Variants in LAMA4 observed in about 807,000 individuals in gnomAD.
LAMA4 encodes the protein laminin subunit alpha-4.
Under a neutral mutation model 207.1 loss-of-function variants are expected in LAMA4, and 127 were observed. The ratio of observed to expected loss-of-function variants is 0.61; its 90% CI spans 0.53 to 0.71. The LOEUF is 0.71. Ranked by LOEUF, LAMA4 falls within the 30% of genes least tolerant of loss-of-function variation. The pLI, the probability that LAMA4 is intolerant of heterozygous loss-of-function variation, is 0.00. For synonymous variants in LAMA4, 761 were observed against 816.0 expected (o/e 0.93, Z 1.15); for missense variants, 2,093 against 2,246.5 (o/e 0.93, Z 1.38).
At position 112,148,321 on chromosome 6, in the gene LAMA4, C is replaced by T. The variant is rs781825990; in HGVS notation, c.2189G>A (p.Arg730His). 4.2e-5 allele frequency: 68 copies of T among 1,613,996 alleles called. No homozygotes were observed. The highest frequency in any genetic ancestry group is 3.3e-4 in the Middle Eastern group (2 of 6,080). Residue 730 changes from arginine (R) to histidine (H), a missense_variant, in exon 18 of 39, where the codon CGC becomes CAC. This residue lies in a region of LAMA4 where 1,704 missense variants were observed against 1,788.4 expected (regional missense o/e 0.95). Transcript: ENST00000230538. Reference sequence around the variant, plus strand: ...GGTGATCAGTCTAGACTGCCCCAGGCGCTGCTGGGCATCCCCTTTACACAG... The same window carrying T: ...GGTGATCAGTCTAGACTGCCCCAGGTGCTGCTGGGCATCCCCTTTACACAG... ...QAAERGDAQQ[R>H]LGQSRLITEE...
At chr6:112,240,592 T>C (rs568303186) in intron 2 of LAMA4, among the ~76,000 whole-genome samples, 1 of 152,320 alleles carries the variant, frequency 6.6e-6, no homozygotes, top group East Asian at 1.9e-4. Context: ...CTATTCTCTA[T>C]GTCCATGAGT....
chr6:112,115,109 TA>T (rs1427958901), intron 36 of LAMA4, among the ~76,000 whole-genome samples: 3 of 152,204 alleles, frequency 2.0e-5, no homozygotes, highest in African/African-American at 7.2e-5. Flanking sequence ...CTATTTAACT[TA>T]CTCTCTGCCC....
Position 112,221,701 on chromosome 6 carries a change from G to A in LAMA4, c.196-5232C>T, listed in dbSNP as rs73544376. ...AGCTTAAGATAGAATGTTATGCTCA[G>A]TTAGGAGCTAAAACTGTGTGCCCTT... is the stretch of plus-strand genomic sequence containing the variant. On this transcript the variant is annotated intron_variant, in intron 2 of 38. Coordinates refer to ENST00000230538, the MANE Select transcript of LAMA4 (RefSeq NM_001105206.3). 7.8e-3 allele frequency among the ~76,000 whole-genome samples: 1,188 copies of A among 151,592 alleles called. 23 individuals are homozygous for A. The highest frequency in any genetic ancestry group is 0.027 in the African/African-American group (1,104 of 40,910).
chr6:112,120,425 A>T lies in LAMA4; in HGVS notation c.4523T>A (p.Ile1508Asn). ...RLRTRSSHGM[I>N]FYVSDQEEND... Reference sequence around the variant, plus strand: ...CTCTTCTTGATCTGAGACATAGAAGATCATGCCATGGGAGGAACGAGTTCT... The same window carrying T: ...CTCTTCTTGATCTGAGACATAGAAGTTCATGCCATGGGAGGAACGAGTTCT... Residue 1508 changes from isoleucine to asparagine, a missense_variant, in exon 33 of 39, where the codon ATC (isoleucine) becomes AAC (asparagine). Around this residue, in one of 3 missense-constraint regions of LAMA4, gnomAD observed 383 missense variants for 437.8 expected, o/e 0.87. Coordinates refer to ENST00000230538, the MANE Select transcript of LAMA4 (RefSeq NM_001105206.3). 6.2e-7 allele frequency: 1 copy of T among 1,614,058 alleles called. No individual in the cohort carries two copies. Among genetic ancestry groups the T allele is most frequent in the Non-Finnish European group, 8.5e-7 (1 of 1,179,946 alleles).
intron 13 of LAMA4, among the ~76,000 whole-genome samples, chr6:112,163,156 T>G (rs529605711): frequency 2.2e-5 from 2 of 89,870 alleles, no homozygotes; most frequent in Non-Finnish European, 4.9e-5. Context: ...AAAATTTTCT[T>G]TTTTGTAGAG....
rs1554342409 is a variant in LAMA4 at position 112,172,799 on chromosome 6, T to G, written c.1363A>C (p.Ser455Arg). Residue 455 changes from serine (S) to arginine (R), a missense_variant, in exon 12 of 39, where the codon AGC (serine) becomes CGC (arginine). Physicochemically the swap from Ser to Arg is moderately radical, Grantham distance 110. This residue lies in a region of LAMA4 where 1,704 missense variants were observed against 1,788.4 expected (regional missense o/e 0.95). Transcript: ENST00000230538. ...EEADEAYELLSQAESWQRLHN... is the reference protein window; with the variant it reads ...EEADEAYELLRQAESWQRLHN... ...AGCCGCTGCCAGCTCTCAGCCTGGC[T>G]CAGTACTGGGAAGAAATGGAGATAA... 2 of 1,613,308 alleles carry G rather than the reference T, an allele frequency of 1.2e-6. No homozygotes were observed. Among genetic ancestry groups the G allele is most frequent in the South Asian group, 2.2e-5 (2 of 91,016 alleles).
intron 13 of LAMA4, among the ~76,000 whole-genome samples, chr6:112,163,715 T>C (rs1168118141): frequency 6.6e-6 from 1 of 152,138 alleles, no homozygotes; most frequent in Non-Finnish European, 1.5e-5. Flanking sequence ...CTGAGCAGAA[T>C]GGTAGGGCAG....
At chr6:112,134,222 G>C (rs190859031) in intron 26 of LAMA4, among the ~76,000 whole-genome samples, 6 of 152,320 alleles carry the variant, frequency 3.9e-5, no homozygotes, top group Admixed American at 3.9e-4. Context: ...TACTGCATTA[G>C]ATCATGTTCT....
intron 16 of LAMA4, among the ~76,000 whole-genome samples, chr6:112,151,316 T>C (rs1273586392): frequency 6.6e-6 from 1 of 152,190 alleles, no homozygotes; most frequent in Non-Finnish European, 1.5e-5. Context: ...ATAATACACC[T>C]TGATAATGTA....
intron 36 of LAMA4, 46 bp downstream of exon 36, chr6:112,115,817 T>C: frequency 6.3e-7 from 1 of 1,590,450 alleles, no homozygotes; most frequent in Non-Finnish European, 8.6e-7. Flanking sequence ...AGATCTAGAA[T>C]CCAAGGTCAG....
Position 112,148,227 on chromosome 6 carries a change from G to C in LAMA4, c.2283C>G (p.Asn761Lys), listed in dbSNP as rs1554334972. ...CAAAATGTTGAAGATTCTGTGACCA[G>C]TTGGTTAGATTGTTGGCCATGGGGG... ...ATAPMANNLT[N>K]WSQNLQHFDS... The change falls in exon 18 of 39, where the codon AAC (asparagine) becomes AAG (lysine). Residue 761 changes from asparagine to lysine, a missense_variant. Physicochemically the swap from Asn to Lys is moderately conservative, Grantham distance 94. Transcript: ENST00000230538. 1.2e-6 allele frequency: 2 copies of C among 1,614,104 alleles called. No homozygotes were observed. Among genetic ancestry groups the C allele is most frequent in the African/African-American group, 2.7e-5 (2 of 74,950 alleles).
At chr6:112,221,748 G>A (rs1222588509) in intron 2 of LAMA4, among the ~76,000 whole-genome samples, 1 of 151,924 alleles carries the variant, frequency 6.6e-6, no homozygotes, top group Non-Finnish European at 1.5e-5. Context: ...TGTGGTTTCT[G>A]CACAATGCTG....
Position 112,140,745 on chromosome 6 carries a change from A to G in LAMA4, c.2976+15T>C. On this transcript the variant is annotated intron_variant, in intron 22 of 38. Coordinates refer to ENST00000230538, the MANE Select transcript of LAMA4 (RefSeq NM_001105206.3). Reference sequence around the variant, plus strand: ...GTAGATTTGTAATAGGTCAAAATATAGCTGTATGGCTGACCTTGAAGTTGG... The same window carrying G: ...GTAGATTTGTAATAGGTCAAAATATGGCTGTATGGCTGACCTTGAAGTTGG... The G allele has an allele frequency of 6.2e-7, 1 of 1,611,512 alleles. No individual in the cohort carries two copies. The highest frequency in any genetic ancestry group is 8.5e-7 in the Non-Finnish European group (1 of 1,177,724).
At position 112,165,130 on chromosome 6, in the gene LAMA4, C is replaced by T. The variant is rs1405897631; in HGVS notation, c.1668+30G>A. ...CTGCTGTTGTAACCTGCTGGAAATACAAACCTGAACAAGTCACGTGCGTCC... is the reference window on the plus strand; with the variant it reads ...CTGCTGTTGTAACCTGCTGGAAATATAAACCTGAACAAGTCACGTGCGTCC... On this transcript the variant is annotated intron_variant, in intron 13 of 38. Transcript: ENST00000230538. 3 of 1,279,698 alleles carry T rather than the reference C, an allele frequency of 2.3e-6. No homozygotes were observed. In the East Asian group the frequency reaches 6.9e-5, roughly 30 times the overall value. 79.3% of individuals were successfully genotyped at this position (1,279,698 alleles called of 1,614,324 possible).
At chr6:112,173,626 T>C (rs374181752) in intron 11 of LAMA4, among the ~76,000 whole-genome samples, 9 of 152,336 alleles carry the variant, frequency 5.9e-5, no homozygotes, top group African/African-American at 2.2e-4. Context: ...CTCTAGCCTT[T>C]CTGAGTCTGA....
intron 2 of LAMA4, among the ~76,000 whole-genome samples, chr6:112,233,108 G>A (rs1785667242): frequency 6.6e-6 from 1 of 152,158 alleles, no homozygotes; most frequent in Admixed American, 6.5e-5. Flanking sequence ...TCGCAGCACG[G>A]AGCTCCTGGA....
At chr6:112,177,223 G>T (rs970512025) in intron 10 of LAMA4, among the ~76,000 whole-genome samples, 1 of 152,188 alleles carries the variant, frequency 6.6e-6, no homozygotes, top group Non-Finnish European at 1.5e-5. Context: ...GTTTATAATA[G>T]ACATCAAAGG....
intron 28 of LAMA4, 94 bp from the exon 29 acceptor site, chr6:112,131,195 A>G: frequency 8.7e-7 from 1 of 1,153,684 alleles, no homozygotes; most frequent in Admixed American, 1.7e-5. Flanking sequence ...GCTTAAAGGC[A>G]ATATAGTGTG....
At chr6:112,174,555 C>T (rs1419746760) in intron 11 of LAMA4, among the ~76,000 whole-genome samples, 1 of 152,194 alleles carries the variant, frequency 6.6e-6, no homozygotes, top group Non-Finnish European at 1.5e-5. Context: ...GTGCAGTGTG[C>T]AATCTTGGCT....
Sources: allele counts gnomAD v4.1 joint callset (sites outside exome capture counted in the v4.1 genomes callset), GRCh38; gene constraint gnomAD v4.1.1; regional missense constraint gnomAD v4.1.1; transcripts MANE v1.5; gene names NCBI Gene and HGNC (gene_info 2026-07-23, HGNC 2026-07-21).